HS3ST5: variants seen among roughly 807,000 people sequenced by gnomAD.
The protein encoded by HS3ST5 is heparan sulfate glucosamine 3-O-sulfotransferase 5.
A neutral mutation model predicts 25.4 loss-of-function variants in HS3ST5; 10 were observed. The ratio of observed to expected loss-of-function variants is 0.39; its 90% CI spans 0.24 to 0.67. The LOEUF is 0.67. Ranked by LOEUF, HS3ST5 falls within the 30% of genes least tolerant of loss-of-function variation. The pLI, the probability that HS3ST5 is intolerant of heterozygous loss-of-function variation, is 0.44. For synonymous variants in HS3ST5, 170 were observed against 162.4 expected, an observed-to-expected ratio of 1.05 and a Z score of -0.36; for missense variants, 324 against 420.7, an observed-to-expected ratio of 0.77 and a Z score of 2.01.
chr6:114,231,946 T>C (rs1298235666), intron 1 of HS3ST5, among the ~76,000 whole-genome samples: 1 of 152,168 alleles, frequency 6.6e-6, no homozygotes, highest in African/African-American at 2.4e-5. Context: ...GTTTCACTCC[T>C]GGAGAGAGAT....
chr6:114,268,028 A>G (rs1773482934), intron 1 of HS3ST5, among the ~76,000 whole-genome samples: 1 of 152,192 alleles, frequency 6.6e-6, no homozygotes, highest in South Asian at 2.1e-4. Flanking sequence ...CACCACATAT[A>G]CATCGTGAGC....
intron 1 of HS3ST5, among the ~76,000 whole-genome samples, chr6:114,291,289 A>G (rs1774567290): frequency 6.6e-6 from 1 of 152,172 alleles, no homozygotes; most frequent in African/African-American, 2.4e-5. Context: ...AAGCCATCCA[A>G]TCTCTGAAGA....
chr6:114,073,506 G>C, intron 3 of HS3ST5, among the ~76,000 whole-genome samples: 1 of 152,150 alleles, frequency 6.6e-6, no homozygotes, highest in Admixed American at 6.5e-5. Flanking sequence ...CTCAAAAGAA[G>C]ACATTTATGC....
intron 1 of HS3ST5, among the ~76,000 whole-genome samples, chr6:114,246,114 A>C (rs541082908): frequency 5.1e-4 from 78 of 152,236 alleles, no homozygotes; most frequent in South Asian, 8.3e-4. Context: ...AGGATACAGC[A>C]CTCTACACAC....
intron 1 of HS3ST5, among the ~76,000 whole-genome samples, chr6:114,272,506 A>G (rs1017422301): frequency 3.9e-5 from 6 of 152,134 alleles, no homozygotes; most frequent in Non-Finnish European, 7.4e-5. Context: ...GTTGCATTAG[A>G]TGTTGGAGGT....
At chr6:114,200,689 T>C (rs965395062) in intron 2 of HS3ST5, among the ~76,000 whole-genome samples, 3 of 151,918 alleles carry the variant, frequency 2.0e-5, no homozygotes, top group Admixed American at 1.3e-4. Flanking sequence ...TGAGAAACAA[T>C]GATTTATAGT....
At chr6:114,277,245 GT>G (rs1402217553) in intron 1 of HS3ST5, among the ~76,000 whole-genome samples, 2 of 149,990 alleles carry the variant, frequency 1.3e-5, no homozygotes, top group East Asian at 4.0e-4. Context: ...TTTAATTCTT[GT>G]TTAAATTCTG....
At chr6:114,234,553 CAT>C (rs145751835) in intron 1 of HS3ST5, among the ~76,000 whole-genome samples, 6,786 of 152,022 alleles carry the variant, frequency 0.045, 169 homozygotes, top group Middle Eastern at 0.068. Context: ...TTTCCTGAAA[CAT>C]AAACTCCAAC....
intron 3 of HS3ST5, among the ~76,000 whole-genome samples, chr6:114,099,548 A>C (rs907930907): frequency 1.3e-5 from 2 of 152,170 alleles, no homozygotes; most frequent in African/African-American, 4.8e-5. Flanking sequence ...AAAGTTAATC[A>C]ATTTGCAAAG....
At chr6:114,327,883 C>G (rs1437422514) in intron 1 of HS3ST5, among the ~76,000 whole-genome samples, 1 of 152,168 alleles carries the variant, frequency 6.6e-6, no homozygotes, top group African/African-American at 2.4e-5. Context: ...TTAGCACCAT[C>G]TACCTATGCA....
intron 1 of HS3ST5, among the ~76,000 whole-genome samples, chr6:114,320,152 T>C (rs1159316337): frequency 6.6e-6 from 1 of 152,152 alleles, no homozygotes; most frequent in Non-Finnish European, 1.5e-5. Context: ...GGACTCTACA[T>C]ACATTATCTT....
chr6:114,305,695 CCTT>C (rs1562270531), intron 1 of HS3ST5, among the ~76,000 whole-genome samples: 1 of 152,172 alleles, frequency 6.6e-6, no homozygotes, highest in Non-Finnish European at 1.5e-5. Context: ...TGTCTCTTCT[CCTT>C]CTCTTCACGT....
At position 114,170,231 on chromosome 6, in the gene HS3ST5, AT is replaced by A. The variant is rs910378285; in HGVS notation, c.-144-1770del. On this transcript the variant is annotated intron_variant, in intron 2 of 4. Coordinates refer to ENST00000312719, the MANE Select transcript of HS3ST5 (RefSeq NM_153612.4). ...ATTGCACTAGAAAAACTAGCTGATG[AT>A]TTTTTTTAAAAAATACAAATTTATA... 1.4e-4 allele frequency among the ~76,000 whole-genome samples: 22 copies of A among 152,138 alleles called. No homozygotes were observed. In the East Asian group the frequency reaches 1.7e-3, roughly 12 times the overall value.
At chr6:114,221,521 C>A (rs890027243) in intron 2 of HS3ST5, among the ~76,000 whole-genome samples, 8 of 149,088 alleles carry the variant, frequency 5.4e-5, no homozygotes, top group Middle Eastern at 3.8e-3. Context: ...CATCACTGAC[C>A]AGGATTACAG....
chr6:114,143,972 C>CT (rs1778032452), intron 3 of HS3ST5: 1 of 152,326 alleles, frequency 6.6e-6, no homozygotes, highest in African/African-American at 2.4e-5. Context: ...TCCCAGATTG[C>CT]AGTCCTACTT....
intron 3 of HS3ST5, among the ~76,000 whole-genome samples, chr6:114,101,477 C>T (rs12661354): frequency 0.14 from 20,551 of 152,066 alleles, 1,637 homozygotes; most frequent in Non-Finnish European, 0.18. Context: ...GACAGAGTGC[C>T]CCTTTTGTTG....
At chr6:114,168,858 AT>A (rs1779338553) in intron 2 of HS3ST5, among the ~76,000 whole-genome samples, 1 of 152,194 alleles carries the variant, frequency 6.6e-6, no homozygotes, top group Admixed American at 6.5e-5. Flanking sequence ...TGTATTGTGT[AT>A]CTCCAGACCT....
At chr6:114,128,020 A>G (rs1323145048) in intron 3 of HS3ST5, among the ~76,000 whole-genome samples, 1 of 151,886 alleles carries the variant, frequency 6.6e-6, no homozygotes, top group Non-Finnish European at 1.5e-5. Flanking sequence ...CTGAAAAAGG[A>G]AAAAGTAAAA....
intron 3 of HS3ST5, among the ~76,000 whole-genome samples, chr6:114,063,939 A>G (rs1773296822): frequency 1.3e-5 from 2 of 152,208 alleles, no homozygotes; most frequent in Admixed American, 1.3e-4. Flanking sequence ...CTTACCTGGA[A>G]GCTCTGTTCT....
Sources: allele counts gnomAD v4.1 joint callset (sites outside exome capture counted in the v4.1 genomes callset), GRCh38; gene constraint gnomAD v4.1.1; transcripts MANE v1.5; gene names NCBI Gene and HGNC (gene_info 2026-07-23, HGNC 2026-07-21).